The following RSAD2 variants were observed in gnomAD, a reference collection of about 807,000 sequenced individuals.
RSAD2 encodes S-adenosylmethionine-dependent nucleotide dehydratase RSAD2.
A neutral mutation model predicts 37.7 loss-of-function variants in RSAD2; 38 were observed. The ratio of observed to expected loss-of-function variants is 1.01; its 90% confidence interval spans 0.78 to 1.32. The LOEUF is 1.32. Among genes scored for constraint, RSAD2 ranks in the 40% most tolerant of loss-of-function variants. The pLI, the probability that RSAD2 is intolerant of heterozygous loss-of-function variation, is 0.00. For missense variants in RSAD2, 428 were observed against 437.5 expected (o/e 0.98, Z 0.19); for synonymous variants, 163 against 157.4 (o/e 1.04, Z -0.27).
intron 1 of RSAD2, among the ~76,000 whole-genome samples, chr2:6,867,906 G>A (rs1236753598): frequency 4.6e-5 from 7 of 152,194 alleles, no homozygotes; most frequent in Admixed American, 1.3e-4. Flanking sequence ...TGAAGATGTT[G>A]AAGATATATC....
chr2:6,888,422 G>A lies in RSAD2; in HGVS notation c.738+1258G>A, dbSNP rs573387080. 3.3e-5 allele frequency among the ~76,000 whole-genome samples: 5 copies of A among 152,244 alleles called. 1 individual carries two copies. The highest frequency in any genetic ancestry group is 1.2e-4 in the African/African-American group (5 of 41,546). On this transcript the variant is annotated intron_variant, in intron 3 of 5. Transcript: ENST00000382040. ...AGAGAGGTCTGATAGGAAAAACAGG[G>A]ACATGATCCACCAGGAAGGCAGAGG... is the stretch of plus-strand genomic sequence containing the variant.
intron 5 of RSAD2, among the ~76,000 whole-genome samples, chr2:6,894,952 C>T (rs1157536627): frequency 1.3e-5 from 2 of 152,224 alleles, no homozygotes; most frequent in Non-Finnish European, 2.9e-5. Flanking sequence ...CAGCATCCCT[C>T]AACAAACTCA....
chr2:6,888,556 T>C (rs1193915010), intron 3 of RSAD2, among the ~76,000 whole-genome samples: 2 of 152,198 alleles, frequency 1.3e-5, no homozygotes, highest in African/African-American at 2.4e-5. Context: ...GTCTTCCTCA[T>C]TGTTCTCTTT....
rs1330855648 is a variant in RSAD2 at position 6,897,059 on chromosome 2, T to A, written c.*1117T>A. Reference sequence around the variant, plus strand: ...GTGAAGCCAAGTCACCATATCATATTTTTGAATGAACTCTGAGTCAGTTGA... The same window carrying A: ...GTGAAGCCAAGTCACCATATCATATATTTGAATGAACTCTGAGTCAGTTGA... On this transcript the variant is annotated 3_prime_UTR_variant, in exon 6 of 6. Transcript: ENST00000382040. 6.6e-6 allele frequency: 1 copy of A among 152,150 alleles called. No individual in the cohort carries two copies. The highest frequency in any genetic ancestry group is 2.4e-5 in the African/African-American group (1 of 41,422). The allele number at this position is 152,150 out of a possible 1,614,324, so 9.4% of individuals were successfully genotyped here.
chr2:6,896,088 C>T lies in RSAD2; in HGVS notation c.*146C>T. 2 of 642,376 alleles carry T rather than the reference C, an allele frequency of 3.1e-6. No homozygotes were observed. Among genetic ancestry groups the T allele is most frequent in the Non-Finnish European group, 5.2e-6 (2 of 386,984 alleles). 39.8% of individuals were successfully genotyped at this position (642,376 alleles called of 1,614,324 possible). On this transcript the variant is annotated 3_prime_UTR_variant, in exon 6 of 6. Coordinates refer to ENST00000382040, the MANE Select transcript of RSAD2 (RefSeq NM_080657.5). ...CGTGGCATCTGATTACCTGTGGTCA[C>T]TGAACACACGAATAACTTGGATAGC...
At chr2:6,875,726 A>G (rs1663269804), upstream of RSAD2, among the ~76,000 whole-genome samples, 1 of 152,216 alleles carries the variant, frequency 6.6e-6, no homozygotes, top group African/African-American at 2.4e-5. Context: ...CCATCTATTC[A>G]GTTATCCCCA....
chr2:6,867,862 C>T (rs1319327563), intron 1 of RSAD2, among the ~76,000 whole-genome samples: 1 of 152,174 alleles, frequency 6.6e-6, no homozygotes, highest in Non-Finnish European at 1.5e-5. Context: ...AATAACACTG[C>T]AGTATTTGGG....
upstream of RSAD2, chr2:6,877,219 A>G (rs1663299542): frequency 6.6e-6 from 1 of 152,288 alleles, no homozygotes; most frequent in Non-Finnish European, 1.5e-5. Context: ...CCTTGCATAA[A>G]TTAGGCTGAA....
intron 1 of RSAD2, among the ~76,000 whole-genome samples, chr2:6,869,471 C>T (rs868801868): frequency 6.6e-6 from 1 of 152,086 alleles, no homozygotes; most frequent in Non-Finnish European, 1.5e-5. Context: ...TACACAGACA[C>T]GTAAACCCAA....
chr2:6,893,647 T>C (rs767626178), intron 4 of RSAD2, 24 bp from the exon 5 acceptor site: 37 of 1,598,314 alleles, frequency 2.3e-5, no homozygotes, highest in Non-Finnish European at 3.2e-5. Flanking sequence ...TGAAACTAAA[T>C]TTGTATTAAC....
intron 4 of RSAD2, among the ~76,000 whole-genome samples, chr2:6,892,582 C>A (rs866070298): frequency 1.3e-5 from 2 of 152,106 alleles, no homozygotes; most frequent in Non-Finnish European, 2.9e-5. Context: ...GTATCAGGGG[C>A]AAAATCTGAA....
At chr2:6,866,566 G>T in intron 1 of RSAD2, 1 of 672,170 alleles carries the variant, frequency 1.5e-6, no homozygotes, top group African/African-American at 1.9e-5. Context: ...GGTGAAGTGT[G>T]TCAGGATAGC....
chr2:6,886,315 A>G (rs978493152), intron 2 of RSAD2, among the ~76,000 whole-genome samples: 8 of 152,260 alleles, frequency 5.3e-5, no homozygotes, highest in Non-Finnish European at 1.0e-4. Flanking sequence ...ACACGCTGTC[A>G]CAGCTCTTCA....
At chr2:6,877,593 G>A (rs59682290), upstream of RSAD2, 1,892 of 567,270 alleles carry the variant, frequency 3.3e-3, 16 homozygotes, top group African/African-American at 0.032. Flanking sequence ...AGGAATGCTC[G>A]CCCCGATCTC....
chr2:6,890,033 C>G (rs1663598902), intron 3 of RSAD2, 143 bp from the exon 4 acceptor site: 1 of 682,864 alleles, frequency 1.5e-6, no homozygotes, highest in Non-Finnish European at 2.3e-6. Context: ...TTCATTTCCC[C>G]AAAGTAATAT....
intron 1 of RSAD2, among the ~76,000 whole-genome samples, chr2:6,871,412 C>A (rs1663202247): frequency 6.6e-6 from 1 of 152,166 alleles, no homozygotes; most frequent in Non-Finnish European, 1.5e-5. Flanking sequence ...TGATGAATTC[C>A]TGTGATTTAT....
intron 2 of RSAD2, among the ~76,000 whole-genome samples, chr2:6,886,239 G>A (rs967301210): frequency 8.5e-5 from 13 of 152,238 alleles, no homozygotes; most frequent in Admixed American, 7.2e-4. Context: ...GATAGGTGGA[G>A]TAGAAACTAG....
At chr2:6,879,650 T>A (rs1663362332) in intron 1 of RSAD2, among the ~76,000 whole-genome samples, 1 of 152,182 alleles carries the variant, frequency 6.6e-6, no homozygotes, top group Non-Finnish European at 1.5e-5. Flanking sequence ...TCTTGCAGCT[T>A]TTTAAAATGT....
At chr2:6,883,581 TG>T in intron 2 of RSAD2, 49 bp downstream of exon 2, 1 of 1,601,422 alleles carries the variant, frequency 6.2e-7, no homozygotes, top group South Asian at 1.1e-5. Context: ...CTATTTTTAT[TG>T]TTGGTTCTTA....
Sources: allele counts gnomAD v4.1 joint callset (sites outside exome capture counted in the v4.1 genomes callset), GRCh38; gene constraint gnomAD v4.1.1; transcripts MANE v1.5; gene names NCBI Gene and HGNC (gene_info 2026-07-23, HGNC 2026-07-21).